The following PSD3 variants were observed in gnomAD, a reference collection of about 807,000 sequenced individuals.
PSD3 encodes PH and SEC7 domain-containing protein 3.
PSD3 carries 49 observed loss-of-function variants against 105.5 expected under a neutral mutation model. The observed-to-expected ratio is 0.46, with a 90% CI of 0.37 to 0.59. The LOEUF (loss-of-function observed/expected upper bound fraction) is 0.59. Among genes scored for constraint, PSD3 ranks in the 20% least tolerant of loss-of-function variants. The pLI is 0.00. For synonymous variants in PSD3, 557 were observed against 457.8 expected, an observed-to-expected ratio of 1.22 and a Z score of -2.77; for missense variants, 1,561 against 1,263.8, an observed-to-expected ratio of 1.24 and a Z score of -3.57.
At chr8:18,604,674 C>T (rs559664498) in intron 11 of PSD3, among the ~76,000 whole-genome samples, 3 of 152,292 alleles carry the variant, frequency 2.0e-5, no homozygotes, top group East Asian at 1.9e-4. Flanking sequence ...GAGACCTTCA[C>T]AGCAGCCCCT....
chr8:18,599,123 C>A (rs1397509284), intron 12 of PSD3, among the ~76,000 whole-genome samples: 1 of 152,068 alleles, frequency 6.6e-6, no homozygotes, highest in Non-Finnish European at 1.5e-5. Flanking sequence ...AAAAGAAGAA[C>A]AAAGCTGTAG....
rs201152599 is a variant in PSD3, at chr8:18,794,476, C to T, written c.2082+4819G>A. Among the ~76,000 whole-genome samples, 4 of 1,452 alleles carry T rather than the reference C, an allele frequency of 2.8e-3. 1 individual carries two copies. Among genetic ancestry groups the T allele is most frequent in the East Asian group, 1.0e-2 (4 of 402 alleles). 1.0% of individuals were successfully genotyped at this position (1,452 alleles called of 152,430 possible). On this transcript the variant is annotated intron_variant, in intron 8 of 15. Transcript: ENST00000327040. ...CCTGTCCCTGGGCAATGGAATGTCT[C>T]GGTATAAAACCCGATTGTATGCTCC...
chr8:18,772,019 T>C (rs919032476), intron 8 of PSD3, among the ~76,000 whole-genome samples: 1 of 152,234 alleles, frequency 6.6e-6, no homozygotes, highest in African/African-American at 2.4e-5. Flanking sequence ...CTTAGCATAA[T>C]GTCCTCAAGG....
At chr8:19,072,500 C>T (rs1019461620) in intron 1 of PSD3, among the ~76,000 whole-genome samples, 6 of 152,168 alleles carry the variant, frequency 3.9e-5, no homozygotes, top group African/African-American at 1.4e-4. Flanking sequence ...GTATACAGAA[C>T]ACAGAATTAT....
intron 2 of PSD3, among the ~76,000 whole-genome samples, chr8:18,877,324 TTTCAA>T (rs1349641863): frequency 6.6e-6 from 1 of 152,160 alleles, no homozygotes; most frequent in Non-Finnish European, 1.5e-5. Flanking sequence ...TCTCATCCAC[TTTCAA>T]TTCATTTTCG....
At chr8:18,771,484 A>G (rs1480197388) in intron 8 of PSD3, among the ~76,000 whole-genome samples, 1 of 152,196 alleles carries the variant, frequency 6.6e-6, no homozygotes, top group Non-Finnish European at 1.5e-5. Flanking sequence ...TAGCTCTTAT[A>G]TTTAGATATT....
chr8:18,584,054 A>G (rs976356338), intron 12 of PSD3, among the ~76,000 whole-genome samples: 1 of 152,222 alleles, frequency 6.6e-6, no homozygotes, highest in African/African-American at 2.4e-5. Flanking sequence ...TAGGATGCCA[A>G]CAGTTCCACA....
At chr8:18,959,642 G>C (rs1380832474) in intron 1 of PSD3, among the ~76,000 whole-genome samples, 4 of 152,096 alleles carry the variant, frequency 2.6e-5, no homozygotes, top group Non-Finnish European at 5.9e-5. Context: ...TAAGAGAACT[G>C]GGAATCAAGA....
At chr8:18,572,086 G>A (rs1044922319) in intron 14 of PSD3, among the ~76,000 whole-genome samples, 8 of 152,132 alleles carry the variant, frequency 5.3e-5, no homozygotes, top group Non-Finnish European at 1.0e-4. Flanking sequence ...GGGTAGGGCA[G>A]GCCATTTCCC....
chr8:18,591,623 A>G (rs1171040445), intron 12 of PSD3, among the ~76,000 whole-genome samples: 1 of 152,172 alleles, frequency 6.6e-6, no homozygotes, highest in Non-Finnish European at 1.5e-5. Context: ...GTAGAGAGAC[A>G]GGTGGCTTGC....
intron 12 of PSD3, among the ~76,000 whole-genome samples, chr8:18,594,082 C>T (rs1334347701): frequency 3.0e-5 from 4 of 135,496 alleles, no homozygotes; most frequent in Non-Finnish European, 1.5e-5. Context: ...ATATAACAAA[C>T]CTGCACGTTG....
intron 4 of PSD3, among the ~76,000 whole-genome samples, chr8:18,849,869 C>A (rs1329646942): frequency 1.3e-5 from 2 of 150,382 alleles, no homozygotes; most frequent in African/African-American, 2.5e-5. Context: ...CGATGAGTTC[C>A]CCAAGGGACT....
intron 4 of PSD3, among the ~76,000 whole-genome samples, chr8:18,828,050 T>TAC: frequency 9.3e-6 from 1 of 107,980 alleles, no homozygotes; most frequent in Non-Finnish European, 1.9e-5. Context: ...TATATATGTA[T>TAC]ATATATATAT....
intron 9 of PSD3, among the ~76,000 whole-genome samples, chr8:18,756,045 A>T (rs1585854857): frequency 2.0e-5 from 3 of 152,134 alleles, no homozygotes; most frequent in African/African-American, 7.2e-5. Context: ...CAGAACCTTT[A>T]AAGCTTTTCT....
chr8:18,612,031 A>G (rs991016604), intron 11 of PSD3, among the ~76,000 whole-genome samples: 8 of 152,222 alleles, frequency 5.3e-5, no homozygotes, highest in Admixed American at 2.0e-4. Context: ...GAACTCTTTT[A>G]AATTGTGAAG....
chr8:19,072,211 C>A (rs957126300), intron 1 of PSD3, among the ~76,000 whole-genome samples: 2 of 151,956 alleles, frequency 1.3e-5, no homozygotes, highest in African/African-American at 4.8e-5. Flanking sequence ...AAGCAATTCT[C>A]CTCCCTCAGC....
intron 9 of PSD3, among the ~76,000 whole-genome samples, chr8:18,660,746 T>A (rs1414330591): frequency 6.6e-6 from 1 of 152,216 alleles, no homozygotes; most frequent in East Asian, 1.9e-4. Flanking sequence ...GGTTAAAAAA[T>A]CACTGCTTTG....
intron 2 of PSD3, among the ~76,000 whole-genome samples, chr8:18,906,580 G>A (rs1161318582): frequency 6.6e-6 from 1 of 152,162 alleles, no homozygotes; most frequent in Non-Finnish European, 1.5e-5. Flanking sequence ...CACAGGTTTT[G>A]TAGGGACAAT....
chr8:19,022,022 A>G (rs1306764334), intron 1 of PSD3, among the ~76,000 whole-genome samples: 1 of 152,166 alleles, frequency 6.6e-6, no homozygotes, highest in Non-Finnish European at 1.5e-5. Flanking sequence ...TTCTGGCGAG[A>G]CTCAGGAAGC....
Sources: gnomAD v4.1 joint callset for allele counts (sites outside exome capture counted in the v4.1 genomes callset) on GRCh38, gnomAD v4.1.1 for gene constraint, MANE v1.5 for transcripts, NCBI Gene and HGNC (gene_info 2026-07-23, HGNC 2026-07-21) for gene names.